The following ZFAND3 variants were observed in gnomAD, a reference collection of about 807,000 sequenced individuals.
ZFAND3 encodes AN1-type zinc finger protein 3.
A neutral mutation model predicts 29.6 loss-of-function variants in ZFAND3; 10 were observed. That is an observed-to-expected ratio of 0.34 (90% CI 0.21 to 0.57). The LOEUF (loss-of-function observed/expected upper bound fraction) is 0.57. Among genes scored for constraint, ZFAND3 ranks in the 20% least tolerant of loss-of-function variants. The pLI is 0.86. For synonymous variants in ZFAND3, 128 were observed against 112.6 expected (o/e 1.14, Z -0.87); for missense variants, 230 against 304.5 (o/e 0.76, Z 1.82).
intron 1 of ZFAND3, among the ~76,000 whole-genome samples, chr6:37,897,292 G>C (rs544050326): frequency 2.2e-4 from 34 of 152,214 alleles, no homozygotes; most frequent in African/African-American, 7.9e-4. Flanking sequence ...TAGAATCATA[G>C]GCACTTCTTC....
chr6:38,011,137 T>G (rs1009412189), intron 2 of ZFAND3, among the ~76,000 whole-genome samples: 10 of 152,204 alleles, frequency 6.6e-5, no homozygotes, highest in Non-Finnish European at 1.5e-4. Flanking sequence ...TCATTCATGT[T>G]GTTTTCATGT....
intron 1 of ZFAND3, among the ~76,000 whole-genome samples, chr6:37,918,951 C>CTTCTTTTTTT (rs1761318785): frequency 9.5e-6 from 1 of 104,738 alleles, no homozygotes; most frequent in African/African-American, 4.1e-5. Flanking sequence ...TGAAAAATGC[C>CTTCTTTTTTT]TTTTTTTTTT....
At chr6:37,906,689 A>G (rs1581750632) in intron 1 of ZFAND3, among the ~76,000 whole-genome samples, 1 of 138,746 alleles carries the variant, frequency 7.2e-6, no homozygotes, top group South Asian at 2.3e-4. Flanking sequence ...ACTGGCCAAC[A>G]CTTACTTTCT....
intron 4 of ZFAND3, among the ~76,000 whole-genome samples, chr6:38,106,727 C>A (rs1000274515): frequency 3.9e-5 from 6 of 151,950 alleles, no homozygotes; most frequent in Admixed American, 3.3e-4. Flanking sequence ...ATCTTTCCTT[C>A]TGGATTGGGG....
rs1358645539 is a variant in ZFAND3 at position 37,934,283 on chromosome 6, A to G, written c.112+4284A>G. On this transcript the variant is annotated intron_variant, in intron 2 of 5. Coordinates refer to ENST00000287218, the MANE Select transcript of ZFAND3 (RefSeq NM_021943.3). ...CTGCAGCCTCTGCCTCCCGGGTTCA[A>G]GCGATTCCAAAGGACTTTTCTTCAC... is the stretch of plus-strand genomic sequence containing the variant. Among the ~76,000 whole-genome samples the G allele has an allele frequency of 3.3e-5, 5 of 152,014 alleles. No homozygotes were observed. In the South Asian group the frequency reaches 6.2e-4, roughly 19 times the overall value.
intron 5 of ZFAND3, among the ~76,000 whole-genome samples, chr6:38,149,562 T>C (rs897143288): frequency 6.6e-6 from 1 of 152,046 alleles, no homozygotes; most frequent in Admixed American, 6.5e-5. Context: ...AGGTAGCTAC[T>C]CCTTGGGCGG....
At chr6:37,985,529 C>CACACACACACACACACACACA (rs33984396) in intron 2 of ZFAND3, among the ~76,000 whole-genome samples, 11 of 89,696 alleles carry the variant, frequency 1.2e-4, no homozygotes, top group African/African-American at 4.0e-4. Flanking sequence ...ACACACACAC[C>CACACACACACACACACACACA]CCCACACACG....
chr6:37,949,217 T>G (rs140831715), intron 2 of ZFAND3, among the ~76,000 whole-genome samples: 1 of 152,210 alleles, frequency 6.6e-6, no homozygotes, highest in African/African-American at 2.4e-5. Context: ...TTATTGACTT[T>G]GAGCATTTTT....
At chr6:37,883,635 TG>T (rs1358560248) in intron 1 of ZFAND3, among the ~76,000 whole-genome samples, 1 of 143,740 alleles carries the variant, frequency 7.0e-6, no homozygotes, top group Non-Finnish European at 1.5e-5. Flanking sequence ...CTCTGCCTCC[TG>T]GGTTCAAGCA....
At chr6:38,084,868 T>C (rs967128513) in intron 4 of ZFAND3, among the ~76,000 whole-genome samples, 1 of 152,212 alleles carries the variant, frequency 6.6e-6, no homozygotes, top group Non-Finnish European at 1.5e-5. Flanking sequence ...TTAAAGGTCA[T>C]CAAGTTAAGC....
intron 2 of ZFAND3, among the ~76,000 whole-genome samples, chr6:38,020,823 C>G (rs186446548): frequency 6.6e-6 from 1 of 152,128 alleles, no homozygotes; most frequent in Non-Finnish European, 1.5e-5. Context: ...TACTTTCCAC[C>G]TCTCGTATTA....
rs182505620 is a variant in ZFAND3 at position 38,126,371 on chromosome 6, T to A, written c.529+9632T>A. Among the ~76,000 whole-genome samples, 432 of 152,368 alleles carry A rather than the reference T, an allele frequency of 2.8e-3. 3 individuals carry two copies. The highest frequency in any genetic ancestry group is 1.0e-2 in the African/African-American group (415 of 41,594). On this transcript the variant is annotated intron_variant, in intron 5 of 5. Transcript: ENST00000287218. ...GAATAGAGCTGCATTTATGCAGAAG[T>A]CTTGTGTGGACATGTGTTTTAATTT...
intron 1 of ZFAND3, among the ~76,000 whole-genome samples, chr6:37,825,922 A>AG (rs1195151331): frequency 6.6e-6 from 1 of 152,172 alleles, no homozygotes; most frequent in African/African-American, 2.4e-5. Flanking sequence ...ATTAGGTCAT[A>AG]GGGAGGTTCT....
At chr6:37,991,574 A>T (rs536165162) in intron 2 of ZFAND3, among the ~76,000 whole-genome samples, 307 of 152,196 alleles carry the variant, frequency 2.0e-3, no homozygotes, top group African/African-American at 7.0e-3. Context: ...GCTGGTTACG[A>T]ACTGCTGACC....
At chr6:37,957,169 A>G (rs1000914611) in intron 2 of ZFAND3, among the ~76,000 whole-genome samples, 2 of 152,192 alleles carry the variant, frequency 1.3e-5, no homozygotes, top group African/African-American at 2.4e-5. Context: ...GTGTTAAGCA[A>G]GTTCCCCCCC....
At chr6:37,942,143 G>A (rs999408123) in intron 2 of ZFAND3, among the ~76,000 whole-genome samples, 8 of 152,122 alleles carry the variant, frequency 5.3e-5, no homozygotes, top group Non-Finnish European at 8.8e-5. Context: ...AGTGGTTACT[G>A]AGTAAGAGTA....
intron 2 of ZFAND3, among the ~76,000 whole-genome samples, chr6:37,956,968 C>G (rs1001923911): frequency 3.9e-5 from 6 of 152,152 alleles, no homozygotes; most frequent in African/African-American, 1.4e-4. Flanking sequence ...GAGGTCTAAG[C>G]CTGTGACAGT....
At chr6:38,074,486 A>T (rs2127468206) in intron 3 of ZFAND3, among the ~76,000 whole-genome samples, 1 of 152,302 alleles carries the variant, frequency 6.6e-6, no homozygotes. Context: ...AAGACAGAAA[A>T]TACTAGCATG....
chr6:37,956,890 A>G lies in ZFAND3; in HGVS notation c.112+26891A>G, dbSNP rs1762093613. Reference sequence around the variant, plus strand: ...TGGGAAGAAGGAAGTAATTGTGGATATGAACAGTCCTTCGGGATTGCAAAG... The same window carrying G: ...TGGGAAGAAGGAAGTAATTGTGGATGTGAACAGTCCTTCGGGATTGCAAAG... On this transcript the variant is annotated intron_variant, in intron 2 of 5. Coordinates refer to ENST00000287218, the MANE Select transcript of ZFAND3 (RefSeq NM_021943.3). Among the ~76,000 whole-genome samples the G allele has an allele frequency of 2.6e-5, 4 of 152,328 alleles. No individual in the cohort carries two copies. The South Asian group carries it at 8.3e-4, about 32-fold the overall frequency.
Sources: allele counts gnomAD v4.1 joint callset (sites outside exome capture counted in the v4.1 genomes callset), GRCh38; gene constraint gnomAD v4.1.1; transcripts MANE v1.5; gene names NCBI Gene and HGNC (gene_info 2026-07-23, HGNC 2026-07-21).